CTNNA3: variants seen among roughly 807,000 people sequenced by gnomAD.
The protein encoded by CTNNA3 is catenin alpha 3, also known as catenin alpha-3.
In CTNNA3, 76 loss-of-function variants were observed where a neutral mutation model predicts 95.7. The observed-to-expected ratio is 0.79, with a 90% CI of 0.66 to 0.96. CTNNA3 has a LOEUF of 0.96. Ranked by LOEUF, CTNNA3 falls within the 40% of genes least tolerant of loss-of-function variation. The pLI is 0.00. For synonymous variants in CTNNA3, 431 were observed against 374.4 expected, an observed-to-expected ratio of 1.15 and a Z score of -1.74; for missense variants, 1,191 against 1,089.8, an observed-to-expected ratio of 1.09 and a Z score of -1.31.
intron 5 of CTNNA3, among the ~76,000 whole-genome samples, chr10:67,429,731 G>A (rs989124737): frequency 3.3e-5 from 5 of 151,856 alleles, no homozygotes; most frequent in Non-Finnish European, 5.9e-5. Context: ...AAAGCAAATT[G>A]TCTATCAGAG....
chr10:66,596,877 A>C (rs1383372725), intron 10 of CTNNA3, among the ~76,000 whole-genome samples: 1 of 152,146 alleles, frequency 6.6e-6, no homozygotes, highest in East Asian at 1.9e-4. Context: ...AATTCAAAAT[A>C]ATTGTTTTAA....
intron 10 of CTNNA3, among the ~76,000 whole-genome samples, chr10:66,569,575 T>C (rs1384731149): frequency 6.6e-6 from 1 of 152,198 alleles, no homozygotes; most frequent in Non-Finnish European, 1.5e-5. Context: ...AGGACATATT[T>C]ATTCAAAAAT....
intron 10 of CTNNA3, among the ~76,000 whole-genome samples, chr10:66,582,745 T>A (rs1272742502): frequency 6.6e-6 from 1 of 151,822 alleles, no homozygotes; most frequent in Non-Finnish European, 1.5e-5. Context: ...TTGAACTTTT[T>A]CTCATTCAGT....
chr10:66,573,965 A>C (rs544286193), intron 10 of CTNNA3, among the ~76,000 whole-genome samples: 2 of 152,144 alleles, frequency 1.3e-5, no homozygotes, highest in African/African-American at 4.8e-5. Flanking sequence ...CACCTAAAAC[A>C]CAATTGAAAT....
At chr10:66,375,601 G>T (rs77607826) in intron 12 of CTNNA3, among the ~76,000 whole-genome samples, 1 of 142,156 alleles carries the variant, frequency 7.0e-6, no homozygotes, top group East Asian at 2.3e-4. Context: ...AAAAAAAAAA[G>T]CATGTTTTAA....
chr10:66,280,255 G>A (rs1305550894), intron 13 of CTNNA3, among the ~76,000 whole-genome samples: 2 of 152,000 alleles, frequency 1.3e-5, no homozygotes, highest in Non-Finnish European at 2.9e-5. Context: ...GCAGTAAAAT[G>A]CACTCATTTG....
At chr10:67,651,777 T>A (rs1404652815) in intron 1 of CTNNA3, among the ~76,000 whole-genome samples, 1 of 152,182 alleles carries the variant, frequency 6.6e-6, no homozygotes, top group East Asian at 1.9e-4. Flanking sequence ...AAAATATATA[T>A]TTATAGTTTG....
intron 15 of CTNNA3, among the ~76,000 whole-genome samples, chr10:66,034,357 C>A (rs1903870): frequency 0.77 from 117,408 of 151,984 alleles, 45,683 homozygotes; most frequent in South Asian, 0.9. Flanking sequence ...AATTTTCATC[C>A]ATATCTGATT....
intron 7 of CTNNA3, among the ~76,000 whole-genome samples, chr10:66,868,322 G>A (rs7901912): frequency 0.14 from 20,741 of 149,418 alleles, 1,922 homozygotes; most frequent in East Asian, 0.34. Context: ...CCGAGATCGC[G>A]CCATTGCACT....
At chr10:66,026,144 G>A (rs966371187) in intron 15 of CTNNA3, among the ~76,000 whole-genome samples, 1 of 152,118 alleles carries the variant, frequency 6.6e-6, no homozygotes, top group African/African-American at 2.4e-5. Flanking sequence ...CTGATTTCTA[G>A]CTCTGTCACT....
intron 13 of CTNNA3, among the ~76,000 whole-genome samples, chr10:66,115,584 GAT>G (rs749308217): frequency 0.15 from 15,804 of 106,142 alleles, 1,063 homozygotes; most frequent in Middle Eastern, 0.2. Context: ...ATAGATGATA[GAT>G]AGATAGAGAT....
At chr10:67,379,946 G>A (rs973292058) in intron 5 of CTNNA3, among the ~76,000 whole-genome samples, 4 of 148,902 alleles carry the variant, frequency 2.7e-5, no homozygotes, top group Admixed American at 6.7e-5. Context: ...GTGTGAACCC[G>A]GGAGGCGGAG....
intron 12 of CTNNA3, among the ~76,000 whole-genome samples, chr10:66,346,076 C>CAAA (rs746349432): frequency 7.1e-5 from 5 of 70,428 alleles, no homozygotes; most frequent in Admixed American, 1.8e-4. Context: ...GACTCCATCT[C>CAAA]AAAAAAAAAA....
At chr10:66,332,980 A>G (rs960899485) in intron 12 of CTNNA3, among the ~76,000 whole-genome samples, 3 of 152,022 alleles carry the variant, frequency 2.0e-5, no homozygotes, top group Admixed American at 2.0e-4. Flanking sequence ...CTAGGAATTT[A>G]TCCATTTCTT....
At chr10:66,102,394 A>C (rs1489631199) in intron 14 of CTNNA3, among the ~76,000 whole-genome samples, 1 of 152,166 alleles carries the variant, frequency 6.6e-6, no homozygotes, top group Non-Finnish European at 1.5e-5. Context: ...GAAGGATACT[A>C]TTAGTATCTC....
chr10:67,417,165 G>A, intron 5 of CTNNA3, among the ~76,000 whole-genome samples: 1 of 152,144 alleles, frequency 6.6e-6, no homozygotes, highest in East Asian at 1.9e-4. Context: ...GGAGCCCTTG[G>A]AGGTCATAAT....
intron 5 of CTNNA3, among the ~76,000 whole-genome samples, chr10:67,295,232 T>A (rs1043164710): frequency 6.6e-6 from 1 of 152,214 alleles, no homozygotes; most frequent in African/African-American, 2.4e-5. Context: ...TATTTTAAAT[T>A]GTTCTCTTGA....
intron 5 of CTNNA3, among the ~76,000 whole-genome samples, chr10:67,514,680 G>T (rs1169521047): frequency 1.4e-5 from 2 of 144,874 alleles, no homozygotes; most frequent in Non-Finnish European, 3.0e-5. Context: ...TTTTTTGTTT[G>T]TTTGTTTGGT....
At chr10:66,744,692 C>G (rs973581287) in intron 9 of CTNNA3, among the ~76,000 whole-genome samples, 1 of 152,096 alleles carries the variant, frequency 6.6e-6, no homozygotes, top group Non-Finnish European at 1.5e-5. Flanking sequence ...AGTTTAAAAT[C>G]TCAAATACTG....
Sources: gnomAD v4.1 joint callset for allele counts (sites outside exome capture counted in the v4.1 genomes callset) on GRCh38, gnomAD v4.1.1 for gene constraint, MANE v1.5 for transcripts, NCBI Gene and HGNC (gene_info 2026-07-23, HGNC 2026-07-21) for gene names.